The following NTNG1 variants were observed in gnomAD, a reference collection of about 807,000 sequenced individuals.
The protein encoded by NTNG1 is netrin-G1.
NTNG1 carries 16 observed loss-of-function variants against 54.0 expected under a neutral mutation model. That is an observed-to-expected ratio of 0.30 (90% CI 0.20 to 0.45). The LOEUF is 0.45. Among genes scored for constraint, NTNG1 ranks in the 20% least tolerant of loss-of-function variants. The probability of loss-of-function intolerance (pLI) is 1.00; values close to 1 mark genes in which losing one functional copy is unlikely to be tolerated. For synonymous variants in NTNG1, 255 were observed against 263.1 expected (o/e 0.97, Z 0.30); for missense variants, 530 against 678.7 (o/e 0.78, Z 2.43).
chr1:107,340,219 T>C (rs1467736381), intron 3 of NTNG1, among the ~76,000 whole-genome samples: 1 of 152,060 alleles, frequency 6.6e-6, no homozygotes, highest in Admixed American at 6.6e-5. Flanking sequence ...TCTGTATATA[T>C]GCTTAGAAAG....
intron 2 of NTNG1, among the ~76,000 whole-genome samples, chr1:107,286,852 C>T (rs1194628384): frequency 2.0e-5 from 3 of 151,914 alleles, no homozygotes; most frequent in Admixed American, 1.3e-4. Context: ...AAGATTTTGC[C>T]AAGAAAAGTA....
chr1:107,351,607 A>G (rs1276873066), intron 3 of NTNG1, among the ~76,000 whole-genome samples: 2 of 152,176 alleles, frequency 1.3e-5, no homozygotes, highest in African/African-American at 4.8e-5. Flanking sequence ...GGTTATTACA[A>G]TTCAACATGA....
At chr1:107,241,489 T>C (rs1661824903) in intron 2 of NTNG1, among the ~76,000 whole-genome samples, 1 of 152,138 alleles carries the variant, frequency 6.6e-6, no homozygotes, top group Non-Finnish European at 1.5e-5. Context: ...TGATAGGATA[T>C]TAGTAAAGAG....
intron 2 of NTNG1, among the ~76,000 whole-genome samples, chr1:107,238,614 C>T (rs868841276): frequency 3.3e-5 from 5 of 152,084 alleles, no homozygotes; most frequent in African/African-American, 7.2e-5. Flanking sequence ...GTCTCTCCTG[C>T]GCTGTATCTG....
chr1:107,341,676 T>C (rs140749490), intron 3 of NTNG1, among the ~76,000 whole-genome samples: 146 of 152,236 alleles, frequency 9.6e-4, no homozygotes, highest in African/African-American at 3.4e-3. Flanking sequence ...TGACACACAG[T>C]GACAGCATTG....
chr1:107,418,764 C>A (rs1674382523), intron 5 of NTNG1: 2 of 608,808 alleles, frequency 3.3e-6, no homozygotes, highest in African/African-American at 3.7e-5. Context: ...TTGAAAGAAT[C>A]ATAATTCAAT....
chr1:107,181,473 A>G (rs1657058310), intron 2 of NTNG1, among the ~76,000 whole-genome samples: 1 of 152,142 alleles, frequency 6.6e-6, no homozygotes, highest in Non-Finnish European at 1.5e-5. Flanking sequence ...AAAAGTCTTA[A>G]GTGTTGGTTA....
intron 2 of NTNG1, among the ~76,000 whole-genome samples, chr1:107,284,419 AC>A (rs760713439): frequency 6.6e-6 from 1 of 152,046 alleles, no homozygotes; most frequent in Non-Finnish European, 1.5e-5. Flanking sequence ...ACCTGCAGAA[AC>A]CTTTGTTGTA....
At chr1:107,213,677 A>G (rs1304206971) in intron 2 of NTNG1, among the ~76,000 whole-genome samples, 1 of 152,090 alleles carries the variant, frequency 6.6e-6, no homozygotes, top group African/African-American at 2.4e-5. Flanking sequence ...CTGAACCATT[A>G]TGTGTGTATC....
chr1:107,356,370 T>C (rs1669931923), intron 3 of NTNG1, among the ~76,000 whole-genome samples: 1 of 152,150 alleles, frequency 6.6e-6, no homozygotes, highest in Non-Finnish European at 1.5e-5. Context: ...CTCAGCTGAC[T>C]GCAACCTCCA....
intron 2 of NTNG1, among the ~76,000 whole-genome samples, chr1:107,274,254 A>G (rs1490237159): frequency 6.6e-6 from 1 of 152,182 alleles, no homozygotes; most frequent in East Asian, 1.9e-4. Context: ...ATGACAAGGT[A>G]TTATGTGCTA....
At chr1:107,161,079 C>A (rs554947363) in intron 2 of NTNG1, among the ~76,000 whole-genome samples, 1 of 152,272 alleles carries the variant, frequency 6.6e-6, no homozygotes, top group East Asian at 1.9e-4. Context: ...ATTTATATCT[C>A]TTTTCCCCTC....
At chr1:107,287,518 C>T (rs775852491) in intron 2 of NTNG1, among the ~76,000 whole-genome samples, 4 of 152,092 alleles carry the variant, frequency 2.6e-5, no homozygotes, top group African/African-American at 9.7e-5. Flanking sequence ...GAGACTGAGG[C>T]GGAAGGATTT....
At chr1:107,408,512 A>T (rs1018912230) in intron 5 of NTNG1, 5 of 152,214 alleles carry the variant, frequency 3.3e-5, no homozygotes, top group Non-Finnish European at 5.9e-5. Flanking sequence ...TCCAGCTATC[A>T]TGGGAGAACC....
In NTNG1 at chr1:107,148,584, G is replaced by A. The variant is rs369369587; in HGVS notation, c.-10G>A. 2 of 1,611,966 alleles carry A rather than the reference G, an allele frequency of 1.2e-6. No homozygotes were observed. The highest frequency in any genetic ancestry group is 2.7e-5 in the African/African-American group (2 of 74,776). Reference sequence around the variant, plus strand: ...CTTTAGTTTCCAAGAAGATTACAAAGAATTTAGAGATGTATTTGTCAAGAT... The same window carrying A: ...CTTTAGTTTCCAAGAAGATTACAAAAAATTTAGAGATGTATTTGTCAAGAT... On this transcript the variant is annotated 5_prime_UTR_variant, in exon 2 of 8. Transcript: ENST00000370068.
chr1:107,192,603 C>G (rs768832251), intron 2 of NTNG1, among the ~76,000 whole-genome samples: 1 of 152,032 alleles, frequency 6.6e-6, no homozygotes, highest in Non-Finnish European at 1.5e-5. Flanking sequence ...AAATCTCTCT[C>G]TTTTCTTGTG....
intron 7 of NTNG1, among the ~76,000 whole-genome samples, chr1:107,448,254 G>A (rs1329422835): frequency 1.1e-4 from 16 of 152,042 alleles, no homozygotes; most frequent in Admixed American, 8.5e-4. Context: ...TTAATATGTA[G>A]TAGTAATGAC....
intron 6 of NTNG1, among the ~76,000 whole-genome samples, chr1:107,431,325 T>C (rs1328877641): frequency 6.6e-6 from 1 of 152,090 alleles, no homozygotes; most frequent in Admixed American, 6.5e-5. Context: ...AAAATTAGGG[T>C]ACAGATTCTT....
intron 3 of NTNG1, among the ~76,000 whole-genome samples, chr1:107,394,768 A>G (rs1672573086): frequency 6.6e-6 from 1 of 152,242 alleles, no homozygotes. Context: ...CTTTAAACCC[A>G]AACGAAGCCC....
Sources: gnomAD v4.1 joint callset for allele counts (sites outside exome capture counted in the v4.1 genomes callset) on GRCh38, gnomAD v4.1.1 for gene constraint, MANE v1.5 for transcripts, NCBI Gene and HGNC (gene_info 2026-07-23, HGNC 2026-07-21) for gene names.